Variants in CZIB observed in about 807,000 individuals in gnomAD.
CZIB encodes CXXC motif containing zinc binding protein, also known as UPF0587 protein C1orf123.
CZIB carries 26 observed loss-of-function variants against 28.3 expected under a neutral mutation model. The ratio of observed to expected loss-of-function variants is 0.92; its 90% CI spans 0.67 to 1.27. The LOEUF is 1.27. Among genes scored for constraint, CZIB ranks in the 50% most tolerant of loss-of-function variants. The probability of loss-of-function intolerance (pLI) is 0.00; values close to 1 mark genes in which losing one functional copy is unlikely to be tolerated. For synonymous variants in CZIB, 78 were observed against 71.1 expected (o/e 1.10, Z -0.49); for missense variants, 179 against 197.3 (o/e 0.91, Z 0.56).
At chr1:53,217,037 T>A (rs1216327115) in intron 5 of CZIB, 178 bp from the exon 6 acceptor site, 3 of 582,310 alleles carry the variant, frequency 5.2e-6, no homozygotes, top group East Asian at 2.9e-5. Flanking sequence ...CCTATGAAGC[T>A]TTCTGTAGAC....
intron 5 of CZIB, chr1:53,217,393 G>A (rs1335278511): frequency 6.5e-6 from 1 of 153,982 alleles, no homozygotes; most frequent in Non-Finnish European, 1.4e-5. Context: ...CTTTGAAATG[G>A]TTATGTATGT....
In CZIB at chr1:53,214,301, G is replaced by T; in HGVS notation, c.*358C>A. On this transcript the variant is annotated 3_prime_UTR_variant, in exon 8 of 8. Coordinates refer to ENST00000294360, the MANE Select transcript of CZIB (RefSeq NM_017887.3). ...AACAGTACGTCACCATTGGCTTCTGGCTCATTGAGTGATGGTGGGATCGCG... is the reference window on the plus strand; with the variant it reads ...AACAGTACGTCACCATTGGCTTCTGTCTCATTGAGTGATGGTGGGATCGCG... The T allele has an allele frequency of 4.5e-6, 1 of 220,084 alleles. No individual in the cohort carries two copies. Among genetic ancestry groups the T allele is most frequent in the Non-Finnish European group, 9.0e-6 (1 of 110,530 alleles). The allele number at this position is 220,084 out of a possible 1,614,324, so 13.6% of individuals were successfully genotyped here. A position where few individuals can be genotyped will look rare whatever the true frequency, so the allele number is the denominator to read the frequency against.
chr1:53,218,356 T>C, intron 4 of CZIB, 58 bp downstream of exon 4: 2 of 1,601,496 alleles, frequency 1.2e-6, no homozygotes, highest in Admixed American at 1.7e-5. Flanking sequence ...ACTTTCAGCC[T>C]GGTGCCAGGA....
chr1:53,214,841 A>G, intron 7 of CZIB, 105 bp from the exon 8 acceptor site: 1 of 848,114 alleles, frequency 1.2e-6, no homozygotes, highest in Non-Finnish European at 1.9e-6. Context: ...GACTCAAATA[A>G]TCATGAACAT....
At chr1:53,220,532 T>C in intron 1 of CZIB, 38 bp downstream of exon 1, 2 of 1,600,128 alleles carry the variant, frequency 1.2e-6, no homozygotes, top group Middle Eastern at 3.5e-4. Context: ...CCTCGCCACC[T>C]CCCCTCCGTG....
chr1:53,214,860 C>A, intron 7 of CZIB, 124 bp from the exon 8 acceptor site: 1 of 697,546 alleles, frequency 1.4e-6, no homozygotes, highest in East Asian at 2.7e-5. Context: ...ATGTATGACC[C>A]TGAACAGAGC....
At chr1:53,216,164 C>T in intron 6 of CZIB, 108 bp from the exon 7 acceptor site, 1 of 998,802 alleles carries the variant, frequency 1.0e-6, no homozygotes, top group Non-Finnish European at 1.6e-6. Flanking sequence ...GGATGGAGGA[C>T]AGAGATGCAG....
Position 53,218,895 on chromosome 1 carries a change from G to A in CZIB, c.119C>T (p.Ser40Leu), listed in dbSNP as rs759745122. ...KMKCGNCGEI[S>L]DKWQYIRLMD... ...CAGCCGGATGTACTGCCACTTGTCCGAAATCTCACCACAGTTGCCACATTT... is the reference window on the plus strand; with the variant it reads ...CAGCCGGATGTACTGCCACTTGTCCAAAATCTCACCACAGTTGCCACATTT... Residue 40 changes from serine (S) to leucine (L), a missense_variant, in exon 3 of 8, where the codon TCG becomes TTG. Physicochemically the swap from Ser to Leu is moderately radical, Grantham distance 145 (BLOSUM62 -2). Transcript: ENST00000294360. The A allele has an allele frequency of 1.4e-5, 22 of 1,613,878 alleles. No individual in the cohort carries two copies. Among genetic ancestry groups the A allele is most frequent in the East Asian group, 2.2e-5 (1 of 44,886 alleles).
rs140723778 is a variant in CZIB, at chr1:53,219,279, G to A, written c.91-356C>T. On this transcript the variant is annotated intron_variant, in intron 2 of 7. Coordinates refer to ENST00000294360, the MANE Select transcript of CZIB (RefSeq NM_017887.3). ...CTATATGGGAGGAATAAGTTCTAGT[G>A]TTCTATAGCACTGTAGGATGACTAT... 9 of 315,778 alleles carry A rather than the reference G, an allele frequency of 2.9e-5. No individual in the cohort carries two copies. The East Asian group carries it at 7.2e-4, about 25-fold the overall frequency. The allele number at this position is 315,778 out of a possible 1,614,324, so 19.6% of individuals were successfully genotyped here.
At chr1:53,219,073 A>C (rs1224781525) in intron 2 of CZIB, 150 bp from the exon 3 acceptor site, 6 of 689,974 alleles carry the variant, frequency 8.7e-6, no homozygotes, top group Non-Finnish European at 1.6e-5. Flanking sequence ...AACAAGGACA[A>C]AACTAGAACT....
intron 7 of CZIB, 26 bp from the exon 8 acceptor site, chr1:53,214,762 C>G: frequency 6.2e-7 from 1 of 1,600,116 alleles, no homozygotes; most frequent in Non-Finnish European, 8.6e-7. Flanking sequence ...GCATTGTTAG[C>G]CTCACAACGC....
intron 2 of CZIB, 129 bp from the exon 3 acceptor site, chr1:53,219,052 A>G (rs1645494642): frequency 1.3e-6 from 1 of 772,146 alleles, no homozygotes; most frequent in South Asian, 1.5e-5. Flanking sequence ...TTCATCCCTA[A>G]CACCTGCCCC....
At position 53,218,219 on chromosome 1, in the gene CZIB, G is replaced by T; in HGVS notation, c.230-16C>A. 6.2e-7 allele frequency: 1 copy of T among 1,613,960 alleles called. No homozygotes were observed. ...CTTAAAATCTCTGAAATAGAAAAGA[G>T]AACACAAAGTTGACTTGAGTCCATA... On this transcript the variant is annotated splice_polypyrimidine_tract_variant and intron_variant, in intron 4 of 7. Coordinates refer to ENST00000294360, the MANE Select transcript of CZIB (RefSeq NM_017887.3).
chr1:53,217,410 G>T (rs993749367), intron 5 of CZIB: 1 of 153,614 alleles, frequency 6.5e-6, no homozygotes, highest in Non-Finnish European at 1.4e-5. Context: ...ATGTGGAGGG[G>T]GCACCTCTTG....
chr1:53,216,919 C>G, intron 5 of CZIB, 60 bp from the exon 6 acceptor site: 2 of 1,424,592 alleles, frequency 1.4e-6, no homozygotes, highest in Non-Finnish European at 2.0e-6. Context: ...GACCCCATGG[C>G]CCCTCTCCTT....
intron 5 of CZIB, 74 bp downstream of exon 5, chr1:53,218,098 C>T: frequency 6.6e-7 from 1 of 1,505,304 alleles, no homozygotes; most frequent in Non-Finnish European, 9.2e-7. Flanking sequence ...GCAGGCATGA[C>T]TCTAGAACCC....
At chr1:53,215,347 A>C (rs748974452) in intron 7 of CZIB, among the ~76,000 whole-genome samples, 4 of 152,178 alleles carry the variant, frequency 2.6e-5, no homozygotes, top group Non-Finnish European at 4.4e-5. Flanking sequence ...CAAAAAATAC[A>C]TAAAATAAAA....
intron 1 of CZIB, 94 bp downstream of exon 1, chr1:53,220,476 C>A: frequency 1.3e-6 from 2 of 1,584,392 alleles, no homozygotes; most frequent in Non-Finnish European, 1.7e-6. Context: ...TCAGCGCGCA[C>A]CCACTCGCTT....
intron 2 of CZIB, 138 bp from the exon 3 acceptor site, chr1:53,219,061 C>T: frequency 2.7e-6 from 2 of 727,420 alleles, no homozygotes; most frequent in Non-Finnish European, 4.9e-6. Context: ...AACACCTGCC[C>T]CAACAAGGAC....
Sources: allele counts gnomAD v4.1 joint callset (sites outside exome capture counted in the v4.1 genomes callset), GRCh38; gene constraint gnomAD v4.1.1; transcripts MANE v1.5; gene names NCBI Gene and HGNC (gene_info 2026-07-23, HGNC 2026-07-21).